The following POC5 variants were observed in gnomAD, a reference collection of about 807,000 sequenced individuals.
POC5 encodes POC5 centriolar protein.
Under a neutral mutation model 62.9 loss-of-function variants are expected in POC5, and 48 were observed. The ratio of observed to expected loss-of-function variants is 0.76; its 90% CI spans 0.61 to 0.97. POC5 has a LOEUF of 0.97. POC5 is among the 50% of genes least tolerant of loss of function. The pLI is 0.00. For synonymous variants in POC5, 236 were observed against 228.2 expected (o/e 1.03, Z -0.31); for missense variants, 696 against 679.5 (o/e 1.02, Z -0.27).
rs1039615449 is a variant in POC5, at chr5:75,674,303, T to G, written c.*132A>C. ...AAGCATGGTAGAGCTTGAAAAAGCC[T>G]CTTGTAATTTTGAACAGATGAACAT... On this transcript the variant is annotated 3_prime_UTR_variant, in exon 12 of 12. Transcript: ENST00000428202. 20 of 857,896 alleles carry G rather than the reference T, an allele frequency of 2.3e-5. No homozygotes were observed. Among genetic ancestry groups the G allele is most frequent in the Non-Finnish European group, 3.4e-5 (20 of 583,438 alleles). 53.1% of individuals were successfully genotyped at this position (857,896 alleles called of 1,614,324 possible). A position where few individuals can be genotyped will look rare whatever the true frequency, so the allele number is the denominator to read the frequency against.
intron 3 of POC5, among the ~76,000 whole-genome samples, chr5:75,707,244 G>A (rs910720156): frequency 6.6e-6 from 1 of 152,170 alleles, no homozygotes; most frequent in Admixed American, 6.6e-5. Flanking sequence ...GTAGCTTTCA[G>A]TTCTGTTGCT....
intron 5 of POC5, among the ~76,000 whole-genome samples, chr5:75,695,245 C>A (rs2112138467): frequency 6.6e-6 from 1 of 152,216 alleles, no homozygotes; most frequent in South Asian, 2.1e-4. Context: ...TGGAAAGAAA[C>A]CATGAGAGTT....
chr5:75,711,469 A>G (rs997018398), intron 2 of POC5, among the ~76,000 whole-genome samples: 1 of 152,218 alleles, frequency 6.6e-6, no homozygotes, highest in African/African-American at 2.4e-5. Context: ...ATAAAAAGAG[A>G]GTAACAAAAA....
In POC5 at chr5:75,674,142, A is replaced by G. The variant is rs140747539; in HGVS notation, c.*293T>C. The G allele has an allele frequency of 5.2e-6, 1 of 191,842 alleles. No individual in the cohort carries two copies. The highest frequency in any genetic ancestry group is 5.7e-5 in the Admixed American group (1 of 17,594). The allele number at this position is 191,842 out of a possible 1,614,324, so 11.9% of individuals were successfully genotyped here. ...TTATAAATAGTGAAAATAAATTTAT[A>G]TATTTTGATGCTGTAATCAGCAACA... On this transcript the variant is annotated 3_prime_UTR_variant, in exon 12 of 12. Coordinates refer to ENST00000428202, the MANE Select transcript of POC5 (RefSeq NM_001099271.2).
At chr5:75,692,262 T>G (rs1776368474) in intron 7 of POC5, 134 bp downstream of exon 7, 1 of 523,124 alleles carries the variant, frequency 1.9e-6, no homozygotes, top group African/African-American at 2.0e-5. Flanking sequence ...AAAATCAAAT[T>G]CCTTTGAAAT....
intron 5 of POC5, among the ~76,000 whole-genome samples, chr5:75,701,585 G>C (rs1251379412): frequency 1.7e-5 from 2 of 117,794 alleles, no homozygotes; most frequent in Admixed American, 1.9e-4. Context: ...TGGGGGGAGG[G>C]GGGAGGGATA....
At chr5:75,707,918 A>G (rs766770863) in intron 2 of POC5, 43 bp from the exon 3 acceptor site, 40 of 1,462,832 alleles carry the variant, frequency 2.7e-5, no homozygotes, top group Non-Finnish European at 8.4e-6. Flanking sequence ...AACAGTTACA[A>G]TGTTATAATA....
At chr5:75,711,930 A>G (rs1777359910) in intron 2 of POC5, among the ~76,000 whole-genome samples, 1 of 152,200 alleles carries the variant, frequency 6.6e-6, no homozygotes, top group South Asian at 2.1e-4. Context: ...AGTTTCAATC[A>G]GACAGCGATG....
rs753248600 is a variant in POC5 at position 75,683,548 on chromosome 5, A to G, written c.1407+1659T>C. On this transcript the variant is annotated intron_variant, in intron 10 of 11. Coordinates refer to ENST00000428202, the MANE Select transcript of POC5 (RefSeq NM_001099271.2). ...GCGCATGGCTTTTTTTAAACTGACT[A>G]ACTAATCACTGCTAGCTCTGCACAG... Among the ~76,000 whole-genome samples, 7 of 151,886 alleles carry G rather than the reference A, an allele frequency of 4.6e-5. No individual in the cohort carries two copies. The South Asian group carries it at 6.2e-4, about 14-fold the overall frequency.
chr5:75,694,538 C>A, intron 6 of POC5, 117 bp downstream of exon 6: 1 of 818,562 alleles, frequency 1.2e-6, no homozygotes, highest in Non-Finnish European at 1.8e-6. Context: ...ATGAATTTTT[C>A]TGTCAGTTTC....
At chr5:75,684,642 C>T (rs960413511) in intron 10 of POC5, among the ~76,000 whole-genome samples, 24 of 152,002 alleles carry the variant, frequency 1.6e-4, no homozygotes, top group Non-Finnish European at 3.1e-4. Flanking sequence ...GGATTACAGG[C>T]GTGAGCCACC....
intron 1 of POC5, among the ~76,000 whole-genome samples, chr5:75,713,325 T>G (rs1346846973): frequency 6.6e-6 from 1 of 152,218 alleles, no homozygotes; most frequent in Non-Finnish European, 1.5e-5. Context: ...CTTGGGAAAC[T>G]TACCTTTGGA....
intron 5 of POC5, among the ~76,000 whole-genome samples, chr5:75,700,656 T>A (rs1022944688): frequency 1.3e-5 from 2 of 149,674 alleles, no homozygotes; most frequent in African/African-American, 4.9e-5. Context: ...GACACAGGCA[T>A]GGGCAAGGAC....
chr5:75,697,436 A>T (rs943116756), intron 5 of POC5, among the ~76,000 whole-genome samples: 97 of 152,284 alleles, frequency 6.4e-4, no homozygotes, highest in Non-Finnish European at 1.0e-3. Context: ...TCAACCCAGA[A>T]TTTCATATCC....
intron 6 of POC5, among the ~76,000 whole-genome samples, chr5:75,692,805 T>C (rs931909555): frequency 6.6e-6 from 1 of 152,144 alleles, no homozygotes; most frequent in South Asian, 2.1e-4. Context: ...AAAACAATTA[T>C]ACATTTGAAA....
intron 9 of POC5, among the ~76,000 whole-genome samples, chr5:75,688,253 A>G (rs951370201): frequency 6.6e-6 from 1 of 152,168 alleles, no homozygotes; most frequent in African/African-American, 2.4e-5. Flanking sequence ...ATCATCTTAC[A>G]CGTTAAAGTG....
At chr5:75,712,652 T>G in intron 2 of POC5, 1 of 706,018 alleles carries the variant, frequency 1.4e-6, no homozygotes, top group Admixed American at 2.8e-5. Flanking sequence ...GTATGAAGAG[T>G]TCATCAATAT....
Position 75,687,069 on chromosome 5 carries a change from C to T in POC5, c.1130-1585G>A, listed in dbSNP as rs187860534. On this transcript the variant is annotated intron_variant, in intron 9 of 11. Coordinates refer to ENST00000428202, the MANE Select transcript of POC5 (RefSeq NM_001099271.2). ...TTTTTGTGAGATAGTCTCGCTCTGT[C>T]GCCCAGGCTGAAGTGCAGTGGCATG... 8.6e-5 allele frequency among the ~76,000 whole-genome samples: 13 copies of T among 151,836 alleles called. No homozygotes were observed. In the East Asian group the frequency reaches 1.7e-3, roughly 20 times the overall value.
chr5:75,698,171 T>C (rs2112154435), intron 5 of POC5, among the ~76,000 whole-genome samples: 1 of 136,320 alleles, frequency 7.3e-6, no homozygotes, highest in Non-Finnish European at 1.6e-5. Flanking sequence ...AGACAGAAAG[T>C]CAACAAGGAT....
Sources: allele counts gnomAD v4.1 joint callset (sites outside exome capture counted in the v4.1 genomes callset), GRCh38; gene constraint gnomAD v4.1.1; transcripts MANE v1.5; gene names NCBI Gene and HGNC (gene_info 2026-07-23, HGNC 2026-07-21).